The following RYR2 variants were observed in gnomAD, a reference collection of about 807,000 sequenced individuals.
RYR2 encodes ryanodine receptor 2, also known as cardiac muscle ryanodine receptor-calcium release channel.
In RYR2, 227 loss-of-function variants were observed where a neutral mutation model predicts 601.1. The ratio of observed to expected loss-of-function variants is 0.38; its 90% CI spans 0.34 to 0.42. The LOEUF is 0.42. RYR2 is among the 10% of genes least tolerant of loss of function. The pLI, the probability that RYR2 is intolerant of heterozygous loss-of-function variation, is 1.00. For synonymous variants in RYR2, 2,223 were observed against 2,175.1 expected (o/e 1.02, Z -0.61); for missense variants, 4,646 against 6,156.5 (o/e 0.75, Z 8.21).
chr1:237,137,812 T>C (rs945729055), intron 1 of RYR2, among the ~76,000 whole-genome samples: 3 of 152,182 alleles, frequency 2.0e-5, no homozygotes, highest in Non-Finnish European at 4.4e-5. Context: ...ACCTTTCTTA[T>C]TATGAAATGT....
chr1:237,806,232 A>G lies in RYR2; in HGVS notation c.14247A>G (p.Gly4749=). 3 of 1,613,584 alleles carry G rather than the reference A, an allele frequency of 1.9e-6. No individual in the cohort carries two copies. Among genetic ancestry groups the G allele is most frequent in the Non-Finnish European group, 2.5e-6 (3 of 1,179,568 alleles). The change falls in exon 99 of 105, where the codon GGA becomes GGG. Residue 4749 remains glycine, a synonymous_variant. Transcript: ENST00000366574. ...CTCACCTTCTCGACATTGCTATGGG[A>G]TTCAAGACATTAAGAACCATCTTGT... ...FAAHLLDIAM[G]FKTLRTILSS...
chr1:237,735,851 C>G (rs1454400030), intron 79 of RYR2, among the ~76,000 whole-genome samples: 1 of 152,188 alleles, frequency 6.6e-6, no homozygotes, highest in East Asian at 1.9e-4. Flanking sequence ...TGTACATGTT[C>G]AGTACAGACA....
At position 237,402,399 on chromosome 1, in the gene RYR2, G is replaced by GA. The variant is rs201342853; in HGVS notation, c.773+14225dup. 6.4e-3 allele frequency among the ~76,000 whole-genome samples: 898 copies of GA among 141,246 alleles called. 13 individuals are homozygous for GA. The highest frequency in any genetic ancestry group is 0.021 in the Admixed American group (307 of 14,698). The allele number at this position is 141,246 out of a possible 152,430, so 92.7% of individuals were successfully genotyped here. On this transcript the variant is annotated intron_variant, in intron 10 of 104. Coordinates refer to ENST00000366574, the MANE Select transcript of RYR2 (RefSeq NM_001035.3). ...AAGACCCTATCTCTTAAAAAAAAAAGAAAAAAAAATATATATATGTATGAT... is the reference window on the plus strand; with the variant it reads ...AAGACCCTATCTCTTAAAAAAAAAAGAAAAAAAAAATATATATATGTATGAT...
rs2794817 is a variant in RYR2, at chr1:237,798,440, T to C, written c.14090+270T>C. Among the ~76,000 whole-genome samples the C allele has an allele frequency of 0.68, 103,036 of 151,900 alleles. 35,376 individuals carry two copies. Among genetic ancestry groups the C allele is most frequent in the East Asian group, 0.95 (4,933 of 5,168 alleles). On this transcript the variant is annotated intron_variant, in intron 97 of 104. Transcript: ENST00000366574. ...TGTTTTTTACTTAATTTGCCTTTTC[T>C]GTCTTTAAATGATCCTTAAATCTAA... is the stretch of plus-strand genomic sequence containing the variant.
intron 1 of RYR2, among the ~76,000 whole-genome samples, chr1:237,188,789 A>G (rs565346788): frequency 6.6e-6 from 1 of 152,228 alleles, no homozygotes; most frequent in East Asian, 1.9e-4. Context: ...AGATGACTTG[A>G]TCTAGGGAGT....
At chr1:237,622,231 C>T (rs1248822569) in intron 38 of RYR2, among the ~76,000 whole-genome samples, 2 of 152,158 alleles carry the variant, frequency 1.3e-5, no homozygotes, top group African/African-American at 4.8e-5. Flanking sequence ...ATTGTTCAAA[C>T]ATAAATGGTA....
intron 10 of RYR2, among the ~76,000 whole-genome samples, chr1:237,416,769 G>GAA (rs1252558372): frequency 6.6e-6 from 1 of 151,806 alleles, no homozygotes; most frequent in African/African-American, 2.4e-5. Flanking sequence ...CACACAGAGA[G>GAA]AGAGAGAGAG....
intron 4 of RYR2, among the ~76,000 whole-genome samples, chr1:237,363,723 TTA>T (rs1318139673): frequency 6.6e-6 from 1 of 152,098 alleles, no homozygotes; most frequent in Non-Finnish European, 1.5e-5. Context: ...TACGTACACA[TTA>T]TGTTTTGTAG....
intron 2 of RYR2, among the ~76,000 whole-genome samples, chr1:237,295,276 G>GA (rs34453486): frequency 6.1e-4 from 90 of 148,392 alleles, no homozygotes; most frequent in Non-Finnish European, 8.7e-4. Flanking sequence ...TCAGTGTTTG[G>GA]AAAAAAAAAA....
chr1:237,152,384 G>T (rs535245317), intron 1 of RYR2, among the ~76,000 whole-genome samples: 1 of 152,308 alleles, frequency 6.6e-6, no homozygotes, highest in African/African-American at 2.4e-5. Context: ...TGGGATGGCT[G>T]GGTCAAATGG....
At chr1:237,351,240 G>A (rs556506525) in intron 3 of RYR2, among the ~76,000 whole-genome samples, 6 of 152,034 alleles carry the variant, frequency 3.9e-5, no homozygotes, top group South Asian at 4.1e-4. Context: ...GAAGTTATTC[G>A]GCCCTAAATA....
chr1:237,663,776 C>T (rs1423075089), intron 56 of RYR2, among the ~76,000 whole-genome samples: 2 of 152,132 alleles, frequency 1.3e-5, no homozygotes, highest in Non-Finnish European at 2.9e-5. Flanking sequence ...GATGAATGTC[C>T]TTTGTTTACC....
At chr1:237,557,197 C>T (rs1229280821) in intron 27 of RYR2, among the ~76,000 whole-genome samples, 3 of 152,098 alleles carry the variant, frequency 2.0e-5, no homozygotes, top group Admixed American at 1.3e-4. Flanking sequence ...TGCTCGAGTG[C>T]CTTCACATGG....
intron 12 of RYR2, among the ~76,000 whole-genome samples, chr1:237,430,903 T>G (rs1706739889): frequency 6.6e-6 from 1 of 152,224 alleles, no homozygotes; most frequent in Admixed American, 6.5e-5. Flanking sequence ...CTCCAGATCC[T>G]TCTGTGATTT....
intron 58 of RYR2, among the ~76,000 whole-genome samples, chr1:237,671,660 A>C (rs1382250974): frequency 1.3e-5 from 2 of 152,046 alleles, no homozygotes; most frequent in South Asian, 4.1e-4. Flanking sequence ...ATCTGTGCAG[A>C]GAAGATGAAT....
At position 237,791,452 on chromosome 1, in the gene RYR2, CA is replaced by C; in HGVS notation, c.13502del (p.Asn4501ThrfsTer2). The C allele has an allele frequency of 6.3e-7, 1 of 1,577,472 alleles. No individual in the cohort carries two copies. The highest frequency in any genetic ancestry group is 8.6e-7 in the Non-Finnish European group (1 of 1,157,728). On this transcript the variant is annotated frameshift_variant, in exon 93 of 105. Transcript: ENST00000366574. LOFTEE classifies it high-confidence loss of function. ...AGAACTATTTTGCTCGCAACTTTTA[CA>C]ACATGAGAATGTTAGCCTTATTTGT... ...LLNYFARNFY[N>X]MRMLALFVAF... is the part of the protein sequence containing the mutation.
rs537880370 is a variant in RYR2 at position 237,309,796 on chromosome 1, G to A, written c.169-21082G>A. On this transcript the variant is annotated intron_variant, in intron 2 of 104. Coordinates refer to ENST00000366574, the MANE Select transcript of RYR2 (RefSeq NM_001035.3). ...TGCGGGGAGGCAGCTGAGGCCCGGC[G>A]AGAATTTGAGCACAGCACCGGTGGG... Among the ~76,000 whole-genome samples the A allele has an allele frequency of 4.5e-4, 68 of 152,316 alleles. 1 individual carries two copies. The highest frequency in any genetic ancestry group is 2.9e-3 in the Admixed American group (44 of 15,308).
intron 29 of RYR2, among the ~76,000 whole-genome samples, chr1:237,587,472 T>G (rs1674653341): frequency 6.6e-6 from 1 of 152,154 alleles, no homozygotes; most frequent in Admixed American, 6.5e-5. Flanking sequence ...ATTCCACTAT[T>G]CTGAAGCTTT....
chr1:237,709,002 C>T lies in RYR2; in HGVS notation c.10046C>T (p.Ser3349Leu), dbSNP rs786205455. ...AAAGCTGAGGCCAGGGGGGACATGTCGGAGGCAGAACTCCTCATCCTAGAT... is the reference window on the plus strand; with the variant it reads ...AAAGCTGAGGCCAGGGGGGACATGTTGGAGGCAGAACTCCTCATCCTAGAT... ...HLKAEARGDM[S>L]EAELLILDEF... The change falls in exon 69 of 105, where the codon TCG becomes TTG. Residue 3349 changes from serine to leucine, a missense_variant. Coordinates refer to ENST00000366574, the MANE Select transcript of RYR2 (RefSeq NM_001035.3). 9 of 1,613,446 alleles carry T rather than the reference C, an allele frequency of 5.6e-6. No individual in the cohort carries two copies. Among genetic ancestry groups the T allele is most frequent in the Non-Finnish European group, 7.6e-6 (9 of 1,179,488 alleles).
Sources: allele counts gnomAD v4.1 joint callset (sites outside exome capture counted in the v4.1 genomes callset), GRCh38; gene constraint gnomAD v4.1.1; transcripts MANE v1.5; gene names NCBI Gene and HGNC (gene_info 2026-07-23, HGNC 2026-07-21).